RHD: variants seen among roughly 807,000 people sequenced by gnomAD.
RHD encodes Rh blood group D antigen, also known as blood group Rh(D) polypeptide.
Under a neutral mutation model 45.5 loss-of-function variants are expected in RHD, and 16 were observed. The ratio of observed to expected loss-of-function variants is 0.35; its 90% confidence interval spans 0.24 to 0.53. RHD has a LOEUF of 0.53. RHD is among the 20% of genes least tolerant of loss of function. The pLI, the probability that RHD is intolerant of heterozygous loss-of-function variation, is 0.92. For missense variants in RHD, 306 were observed against 532.0 expected, an observed-to-expected ratio of 0.58 and a Z score of 4.18; for synonymous variants, 131 against 217.5, an observed-to-expected ratio of 0.60 and a Z score of 3.50.
At chr1:25,281,830 G>A (rs1309777197) in intron 1 of RHD, among the ~76,000 whole-genome samples, 1 of 132,740 alleles carries the variant, frequency 7.5e-6, no homozygotes, top group African/African-American at 2.6e-5. Flanking sequence ...GTGGTGTCAG[G>A]TTGATTTGGA....
chr1:25,321,711 G>T lies in RHD; in HGVS notation c.1154-178G>T, dbSNP rs201945983. 3.3e-4 allele frequency among the ~76,000 whole-genome samples: 8 copies of T among 24,500 alleles called. 1 individual carries two copies. Among genetic ancestry groups the T allele is most frequent in the South Asian group, 3.0e-3 (1 of 334 alleles). The allele number at this position is 24,500 out of a possible 152,430, so 16.1% of individuals were successfully genotyped here. A position where few individuals can be genotyped will look rare whatever the true frequency, so the allele number is the denominator to read the frequency against. ...AATAAAATAAAATAAAATAAAATAG[G>T]CTACAGAATTAAGCTGGTCCAGGAA... On this transcript the variant is annotated intron_variant, in intron 8 of 9. Transcript: ENST00000328664.
rs1257554562 is a variant in RHD at position 25,316,634 on chromosome 1, A to G, written c.1074-366A>G. On this transcript the variant is annotated intron_variant, in intron 7 of 9. Transcript: ENST00000328664. ...ACAAAAACAGAAAAAAAAAAAAAAA[A>G]AAGAGAGAGAGAGAAAACTGGAGGC... is the stretch of plus-strand genomic sequence containing the variant. 3.3e-5 allele frequency among the ~76,000 whole-genome samples: 4 copies of G among 120,822 alleles called. 1 individual carries two copies. Among genetic ancestry groups the G allele is most frequent in the Admixed American group, 8.1e-5 (1 of 12,364 alleles). The allele number at this position is 120,822 out of a possible 152,430, so 79.3% of individuals were successfully genotyped here. A position where few individuals can be genotyped will look rare whatever the true frequency, so the allele number is the denominator to read the frequency against.
chr1:25,294,884 T>G (rs1571642046), intron 3 of RHD, among the ~76,000 whole-genome samples: 1 of 110,208 alleles, frequency 9.1e-6, no homozygotes, highest in African/African-American at 3.4e-5. Flanking sequence ...TCTGTGGGAG[T>G]GGAAGAGAGT....
chr1:25,320,324 T>C (rs1375578615), intron 8 of RHD, among the ~76,000 whole-genome samples: 3 of 132,350 alleles, frequency 2.3e-5, no homozygotes, highest in Admixed American at 2.2e-4. Flanking sequence ...GTGTTCCTAG[T>C]GATGGTTCTG....
At chr1:25,318,920 A>G (rs1428651015) in intron 8 of RHD, among the ~76,000 whole-genome samples, 3 of 132,368 alleles carry the variant, frequency 2.3e-5, no homozygotes, top group African/African-American at 7.7e-5. Context: ...TTAATATACC[A>G]TGTCTGGCCT....
intron 7 of RHD, chr1:25,307,552 C>A: frequency 1.8e-6 from 1 of 570,278 alleles, no homozygotes; most frequent in Non-Finnish European, 3.3e-6. Context: ...TGCTAGAAAC[C>A]ATTATATGCA....
intron 3 of RHD, among the ~76,000 whole-genome samples, chr1:25,299,089 A>C (rs1284507309): frequency 1.6e-5 from 2 of 126,558 alleles, no homozygotes; most frequent in African/African-American, 2.7e-5. Context: ...AAAAAAAAAA[A>C]AAAAAAAACA....
In RHD at chr1:25,322,408, C is replaced by G. The variant is rs77322466; in HGVS notation, c.1227+446C>G. On this transcript the variant is annotated intron_variant, in intron 9 of 9. Transcript: ENST00000328664. ...TTACAACTGGCTGGGCACGGTGGCT[C>G]ACGCCTGTGATCCCAGCACTTTGGG... Among the ~76,000 whole-genome samples the G allele has an allele frequency of 9.0e-5, 12 of 133,186 alleles. 1 individual carries two copies. In the East Asian group the frequency reaches 2.0e-3, roughly 22 times the overall value. The allele number at this position is 133,186 out of a possible 152,430, so 87.4% of individuals were successfully genotyped here.
chr1:25,299,069 T>G (rs1571657915), intron 3 of RHD, among the ~76,000 whole-genome samples: 11 of 65,446 alleles, frequency 1.7e-4, no homozygotes, highest in East Asian at 2.8e-4. Context: ...CAGCACATGG[T>G]GATAAAAAAA....
rs1361885913 is a variant in RHD, at chr1:25,299,194, G to A, written c.487-1752G>A. On this transcript the variant is annotated intron_variant, in intron 3 of 9. Coordinates refer to ENST00000328664, the MANE Select transcript of RHD (RefSeq NM_016124.6). The stretch of plus-strand genomic sequence containing the variant: ...GTCAGGAGTTCGAGACCAGGCTGGG[G>A]AACATGGTGAAACCCCGTCTCTACT... Among the ~76,000 whole-genome samples the A allele has an allele frequency of 4.7e-5, 6 of 127,982 alleles. 1 individual carries two copies. Among genetic ancestry groups the A allele is most frequent in the African/African-American group, 1.6e-4 (6 of 37,342 alleles). The allele number at this position is 127,982 out of a possible 152,430, so 84.0% of individuals were successfully genotyped here.
intron 7 of RHD, among the ~76,000 whole-genome samples, chr1:25,315,220 T>TA (rs1644377766): frequency 7.7e-6 from 1 of 129,226 alleles, no homozygotes; most frequent in Admixed American, 7.5e-5. Context: ...AAATCACTTA[T>TA]TATTAGATCA....
In RHD at chr1:25,280,950, C is replaced by G. The variant is rs544835181; in HGVS notation, c.149-3623C>G. Among the ~76,000 whole-genome samples, 7 of 131,672 alleles carry G rather than the reference C, an allele frequency of 5.3e-5. No individual in the cohort carries two copies. The East Asian group carries it at 1.4e-3, about 26-fold the overall frequency. The allele number at this position is 131,672 out of a possible 152,430, so 86.4% of individuals were successfully genotyped here. A position where few individuals can be genotyped will look rare whatever the true frequency, so the allele number is the denominator to read the frequency against. ...CTTCCTAATCTTTAGGGCCCCAACT[C>G]TGCCCTTATCCAGGCAACTCTCCTC... On this transcript the variant is annotated intron_variant, in intron 1 of 9. Coordinates refer to ENST00000328664, the MANE Select transcript of RHD (RefSeq NM_016124.6).
At chr1:25,283,402 G>A (rs1641671597) in intron 1 of RHD, among the ~76,000 whole-genome samples, 2 of 130,782 alleles carry the variant, frequency 1.5e-5, no homozygotes, top group African/African-American at 5.2e-5. Flanking sequence ...ACGGTGGCAG[G>A]CACCTGTAAT....
rs185528362 is a variant in RHD at position 25,299,373 on chromosome 1, T to C, written c.487-1573T>C. ...CTCTAGCCTGGCGACAGAGTGAGAC[T>C]CCGTCTCAAAAATAAATAAATAAAT... On this transcript the variant is annotated intron_variant, in intron 3 of 9. Coordinates refer to ENST00000328664, the MANE Select transcript of RHD (RefSeq NM_016124.6). 2.6e-3 allele frequency among the ~76,000 whole-genome samples: 339 copies of C among 130,554 alleles called. 40 individuals are homozygous for C. The highest frequency in any genetic ancestry group is 8.5e-3 in the African/African-American group (323 of 37,892). The allele number at this position is 130,554 out of a possible 152,430, so 85.6% of individuals were successfully genotyped here.
intron 1 of RHD, among the ~76,000 whole-genome samples, chr1:25,283,187 G>C (rs1641652619): frequency 7.6e-6 from 1 of 132,230 alleles, no homozygotes; most frequent in African/African-American, 2.6e-5. Context: ...AGGGAGGGCA[G>C]ATGGTGTGGT....
rs1228139493 is a variant in RHD, at chr1:25,305,291, T to A, written c.940-1305T>A. 3.0e-5 allele frequency among the ~76,000 whole-genome samples: 4 copies of A among 131,814 alleles called. No homozygotes were observed. The East Asian group carries it at 7.8e-4, about 26-fold the overall frequency. 86.5% of individuals were successfully genotyped at this position (131,814 alleles called of 152,430 possible). ...AAACAGACATTCTAAAGGCATAGGG[T>A]CCACCCAGGAGCATGGTGGACCCAG... On this transcript the variant is annotated intron_variant, in intron 6 of 9. Transcript: ENST00000328664.
At chr1:25,328,777 C>T in intron 9 of RHD, 121 bp from the exon 10 acceptor site, 1 of 480,426 alleles carries the variant, frequency 2.1e-6, no homozygotes, top group Admixed American at 3.8e-5. Flanking sequence ...TCTTCCAATT[C>T]AGATTTTATG....
At chr1:25,274,770 G>T (rs1470851830) in intron 1 of RHD, among the ~76,000 whole-genome samples, 2 of 133,858 alleles carry the variant, frequency 1.5e-5, no homozygotes, top group Admixed American at 7.2e-5. Context: ...ACATTGGGAG[G>T]CCAAGGCTGG....
chr1:25,276,543 A>AAAAAAAAAAAAAAAC, intron 1 of RHD, among the ~76,000 whole-genome samples: 1 of 124,238 alleles, frequency 8.0e-6, no homozygotes, highest in Admixed American at 7.9e-5. Flanking sequence ...AAAAAAAAAA[A>AAAAAAAAAAAAAAAC]AAAAAAAAAA....
Sources: allele counts gnomAD v4.1 joint callset (sites outside exome capture counted in the v4.1 genomes callset), GRCh38; gene constraint gnomAD v4.1.1; transcripts MANE v1.5; gene names NCBI Gene and HGNC (gene_info 2026-07-23, HGNC 2026-07-21).